Variants in WNK2 observed in about 807,000 individuals in gnomAD.
WNK2 encodes WNK lysine deficient protein kinase 2, also known as serine/threonine-protein kinase WNK2.
WNK2 carries 67 observed loss-of-function variants against 192.1 expected under a neutral mutation model. That is an observed-to-expected ratio of 0.35 (90% CI 0.29 to 0.43). WNK2 has a LOEUF of 0.43. WNK2 is among the 20% of genes least tolerant of loss of function. WNK2 has a pLI of 1.00. For synonymous variants in WNK2, 1,439 were observed against 1,393.9 expected, an observed-to-expected ratio of 1.03 and a Z score of -0.72; for missense variants, 2,698 against 3,089.7, an observed-to-expected ratio of 0.87 and a Z score of 3.01.
intron 2 of WNK2, among the ~76,000 whole-genome samples, chr9:93,208,197 G>A (rs771513404): frequency 2.0e-5 from 3 of 152,258 alleles, no homozygotes; most frequent in Non-Finnish European, 4.4e-5. Context: ...GGAGATGGGT[G>A]TCCCTTGTTA....
Position 93,184,967 on chromosome 9 carries a change from C to A in WNK2, c.38C>A (p.Thr13Lys). ...GGCGGCCGCCGAGACGTCCCCGGCA[C>A]GCTGATGGAGCCCGGGCGCGGCGCG... ...GDGGRRDVPG[T>K]LMEPGRGAGP... Residue 13 changes from threonine (T) to lysine (K), a missense_variant, in exon 2 of 30, where the codon ACG becomes AAG. Around this residue, in one of 7 missense-constraint regions of WNK2, gnomAD observed 260 missense variants for 285.6 expected, o/e 0.91. Transcript: ENST00000427277. The A allele has an allele frequency of 4.0e-6, 5 of 1,236,750 alleles. No individual in the cohort carries two copies. The highest frequency in any genetic ancestry group is 5.0e-6 in the Non-Finnish European group (5 of 992,852). 76.6% of individuals were successfully genotyped at this position (1,236,750 alleles called of 1,614,324 possible).
chr9:93,185,124 G>A lies in WNK2; in HGVS notation c.195G>A (p.Pro65=). 3.8e-6 allele frequency: 5 copies of A among 1,302,234 alleles called. No individual in the cohort carries two copies. The highest frequency in any genetic ancestry group is 1.9e-5 in the South Asian group (1 of 51,588). The allele number at this position is 1,302,234 out of a possible 1,614,324, so 80.7% of individuals were successfully genotyped here. The stretch of plus-strand genomic sequence containing the variant: ...TGGAGGCAGCCGAGGCGCCGGGCCC[G>A]CAGCCCCCGCAGCCCCTGCAGCGCC... ...PGLEAAEAPG[P]QPPQPLQRRV... Residue 65 remains proline, a synonymous_variant, in exon 2 of 30, where the codon CCG becomes CCA. Transcript: ENST00000427277.
At chr9:93,255,593 A>G (rs1482943674) in intron 9 of WNK2, among the ~76,000 whole-genome samples, 1 of 152,058 alleles carries the variant, frequency 6.6e-6, no homozygotes, top group Non-Finnish European at 1.5e-5. Flanking sequence ...AGAGAACCCC[A>G]CGGGAGAGAA....
chr9:93,297,195 T>C (rs770029791), intron 23 of WNK2, among the ~76,000 whole-genome samples: 52 of 117,394 alleles, frequency 4.4e-4, no homozygotes, highest in Non-Finnish European at 5.5e-4. Context: ...TTCTCCTCTC[T>C]GCATCCACCC....
At chr9:93,248,590 G>A (rs1002170522) in intron 8 of WNK2, among the ~76,000 whole-genome samples, 7 of 152,192 alleles carry the variant, frequency 4.6e-5, no homozygotes, top group South Asian at 4.1e-4. Flanking sequence ...TGGTGTTGCC[G>A]TGGGGACCTC....
intron 2 of WNK2, among the ~76,000 whole-genome samples, chr9:93,199,943 T>TG (rs565838890): frequency 6.9e-6 from 1 of 144,636 alleles, no homozygotes; most frequent in Non-Finnish European, 1.5e-5. Flanking sequence ...AGAGCTAGGA[T>TG]GGGGGGGCAG....
chr9:93,290,879 G>A (rs1849242756), intron 21 of WNK2, among the ~76,000 whole-genome samples: 1 of 152,186 alleles, frequency 6.6e-6, no homozygotes, highest in African/African-American at 2.4e-5. Context: ...TCCCTTCTAA[G>A]GGAGCCGGAC....
At chr9:93,264,293 GA>G (rs1844820032) in intron 16 of WNK2, among the ~76,000 whole-genome samples, 1 of 152,176 alleles carries the variant, frequency 6.6e-6, no homozygotes, top group South Asian at 2.1e-4. Flanking sequence ...TGGAGCATCT[GA>G]GCCCTTCCTC....
chr9:93,192,865 C>T (rs1830583339), intron 2 of WNK2, among the ~76,000 whole-genome samples: 1 of 152,174 alleles, frequency 6.6e-6, no homozygotes, highest in African/African-American at 2.4e-5. Context: ...TGGACTTGCC[C>T]CTCACCTTCC....
intron 7 of WNK2, among the ~76,000 whole-genome samples, chr9:93,245,577 G>A (rs1375361284): frequency 1.3e-5 from 2 of 152,234 alleles, no homozygotes; most frequent in African/African-American, 4.8e-5. Context: ...CGGCGCCTGT[G>A]GCTTCTCTAA....
intron 2 of WNK2, among the ~76,000 whole-genome samples, chr9:93,195,146 A>G (rs1200343122): frequency 6.6e-6 from 1 of 152,296 alleles, no homozygotes; most frequent in East Asian, 1.9e-4. Context: ...GTCATTATAC[A>G]TTTGTCAAAA....
chr9:93,214,593 C>T (rs1267169612), intron 2 of WNK2, among the ~76,000 whole-genome samples: 1 of 152,060 alleles, frequency 6.6e-6, no homozygotes, highest in East Asian at 1.9e-4. Context: ...CATGAGCCAC[C>T]ACGCCTGGCC....
chr9:93,253,122 A>C, intron 9 of WNK2, 40 bp downstream of exon 9: 2 of 1,346,758 alleles, frequency 1.5e-6, no homozygotes, highest in Non-Finnish European at 1.9e-6. Flanking sequence ...CCCCATCCCC[A>C]TTACCTGGTC....
At chr9:93,273,490 G>A (rs1846307643) in intron 19 of WNK2, among the ~76,000 whole-genome samples, 1 of 152,136 alleles carries the variant, frequency 6.6e-6, no homozygotes, top group Admixed American at 6.5e-5. Flanking sequence ...TTCCTCAAAG[G>A]ACATAACAGC....
chr9:93,243,627 G>A lies in WNK2; in HGVS notation c.1542+3651G>A, dbSNP rs144518470. Among the ~76,000 whole-genome samples the A allele has an allele frequency of 2.4e-3, 360 of 152,304 alleles. 6 individuals are homozygous for A. The highest frequency in any genetic ancestry group is 0.016 in the Admixed American group (239 of 15,306). On this transcript the variant is annotated intron_variant, in intron 7 of 29. Coordinates refer to ENST00000427277, the MANE Select transcript of WNK2 (RefSeq NM_006648.4). ...CAGGGAAGGCAGGACCTCAAGAGCCGCCTGGCAGCAGCTGGAAGCAACATA... is the reference window on the plus strand; with the variant it reads ...CAGGGAAGGCAGGACCTCAAGAGCCACCTGGCAGCAGCTGGAAGCAACATA...
intron 2 of WNK2, among the ~76,000 whole-genome samples, chr9:93,224,945 G>T (rs1029378542): frequency 6.6e-6 from 1 of 152,156 alleles, no homozygotes; most frequent in Non-Finnish European, 1.5e-5. Context: ...GTTAATGAAT[G>T]AATTCAGTCC....
chr9:93,281,719 A>G (rs1215715724), intron 19 of WNK2, among the ~76,000 whole-genome samples: 2 of 152,238 alleles, frequency 1.3e-5, no homozygotes, highest in Non-Finnish European at 2.9e-5. Flanking sequence ...TACATATATC[A>G]TAAAGTGCTG....
In WNK2 at chr9:93,320,395, C is replaced by T; in HGVS notation, c.*3C>T. 1 of 1,367,680 alleles carries T rather than the reference C, an allele frequency of 7.3e-7. No individual in the cohort carries two copies. The highest frequency in any genetic ancestry group is 9.8e-7 in the Non-Finnish European group (1 of 1,021,848). The allele number at this position is 1,367,680 out of a possible 1,614,324, so 84.7% of individuals were successfully genotyped here. On this transcript the variant is annotated 3_prime_UTR_variant, in exon 30 of 30. Coordinates refer to ENST00000427277, the MANE Select transcript of WNK2 (RefSeq NM_006648.4). ...CTGAGAGTGAGAAGCCTGACTGACC[C>T]CGCCTAGACGCCAGGCCCACTTCAC... is the stretch of plus-strand genomic sequence containing the variant.
chr9:93,309,256 T>A, intron 28 of WNK2: 1 of 433,570 alleles, frequency 2.3e-6, no homozygotes, highest in Non-Finnish European at 3.1e-6. Context: ...CTATGATCTT[T>A]AACCTTAAAA....
Sources: allele counts gnomAD v4.1 joint callset (sites outside exome capture counted in the v4.1 genomes callset), GRCh38; gene constraint gnomAD v4.1.1; regional missense constraint gnomAD v4.1.1; transcripts MANE v1.5; gene names NCBI Gene and HGNC (gene_info 2026-07-23, HGNC 2026-07-21).